Variants in WNK1 observed in about 807,000 individuals in gnomAD.
WNK1 encodes the protein WNK lysine deficient protein kinase 1, also known as serine/threonine-protein kinase WNK1.
A neutral mutation model predicts 222.8 loss-of-function variants in WNK1; 38 were observed. The observed-to-expected ratio is 0.17, with a 90% CI of 0.13 to 0.22. WNK1 has a LOEUF of 0.22. WNK1 is among the 10% of genes least tolerant of loss of function. The probability of loss-of-function intolerance (pLI) is 1.00; values close to 1 mark genes in which losing one functional copy is unlikely to be tolerated. For synonymous variants in WNK1, 1,090 were observed against 1,092.9 expected, an observed-to-expected ratio of 1.00 and a Z score of 0.05; for missense variants, 2,348 against 2,918.4, an observed-to-expected ratio of 0.80 and a Z score of 4.50.
chr12:896,668 A>G lies in WNK1; in HGVS notation c.6181A>G (p.Ser2061Gly), dbSNP rs753587522. Residue 2061 changes from serine (S) to glycine (G), a missense_variant, in exon 24 of 28, where the codon AGC (serine) becomes GGC (glycine). Physicochemically the swap from Ser to Gly is moderately conservative, Grantham distance 56 (BLOSUM62 0). Transcript: ENST00000315939. ...TTCATTTAACTCCTCTTACATGAGT[A>G]GCGACAATGAGTCAGATATCGAAGA... is the stretch of plus-strand genomic sequence containing the variant. Reference protein sequence around the residue: ...SNSFNSSYMSSDNESDIEDED... With the variant: ...SNSFNSSYMSGDNESDIEDED... The G allele has an allele frequency of 6.2e-7, 1 of 1,610,430 alleles. No individual in the cohort carries two copies. The highest frequency in any genetic ancestry group is 8.5e-7 in the Non-Finnish European group (1 of 1,179,276).
Position 857,024 on chromosome 12 carries a change from G to A in WNK1, c.1312-137G>A, listed in dbSNP as rs1044862294. 6.0e-6 allele frequency: 5 copies of A among 829,572 alleles called. No individual in the cohort carries two copies. The East Asian group carries it at 1.3e-4, about 22-fold the overall frequency. The allele number at this position is 829,572 out of a possible 1,614,324, so 51.4% of individuals were successfully genotyped here. A position where few individuals can be genotyped will look rare whatever the true frequency, so the allele number is the denominator to read the frequency against. On this transcript the variant is annotated intron_variant, in intron 4 of 27. Coordinates refer to ENST00000315939, the MANE Select transcript of WNK1 (RefSeq NM_018979.4). ...TCACTACCCAACTGTGACACTGCAT[G>A]GACCAACTCCTGCAGGCGAGTCAGA...
intron 1 of WNK1, among the ~76,000 whole-genome samples, chr12:771,376 A>G (rs1942475490): frequency 6.6e-6 from 1 of 152,128 alleles, no homozygotes; most frequent in Non-Finnish European, 1.5e-5. Context: ...TCATATCTTA[A>G]TGATACTGAG....
rs904789857 is a variant in WNK1, at chr12:806,781, C to T, written c.760-6861C>T. Among the ~76,000 whole-genome samples, 29 of 152,216 alleles carry T rather than the reference C, an allele frequency of 1.9e-4. 1 individual carries two copies. The highest frequency in any genetic ancestry group is 6.7e-4 in the African/African-American group (28 of 41,514). On this transcript the variant is annotated intron_variant, in intron 1 of 27. Coordinates refer to ENST00000315939, the MANE Select transcript of WNK1 (RefSeq NM_018979.4). ...TATTGAGTCTTTGCTCATAAAATGT[C>T]GTAGATATTTGGAAATCTAATTTGA...
Position 884,028 on chromosome 12 carries a change from A to C in WNK1, c.3722-93A>C. ...GGGTGAGAGAATGAGACCGTGCCTC[A>C]AAAAAAGCAGTTGTATGTGCCAATA... On this transcript the variant is annotated intron_variant, in intron 17 of 27. Coordinates refer to ENST00000315939, the MANE Select transcript of WNK1 (RefSeq NM_018979.4). The surrounding 1 kb of genome is among the most constrained non-coding windows in gnomAD (Gnocchi z 5.6). 6.3e-7 allele frequency: 1 copy of C among 1,576,254 alleles called. No homozygotes were observed. The highest frequency in any genetic ancestry group is 8.7e-7 in the Non-Finnish European group (1 of 1,152,184).
intron 1 of WNK1, among the ~76,000 whole-genome samples, chr12:768,342 G>T (rs1034810907): frequency 1.3e-5 from 2 of 152,006 alleles, no homozygotes; most frequent in African/African-American, 4.8e-5. Context: ...CATCATGTTG[G>T]CCAGGCTGGC....
chr12:781,592 A>C (rs930039332), intron 1 of WNK1, among the ~76,000 whole-genome samples: 22 of 152,312 alleles, frequency 1.4e-4, no homozygotes, highest in African/African-American at 5.3e-4. Context: ...ATTATAATTA[A>C]ATGATCTGTT....
rs760531298 is a variant in WNK1 at position 827,014 on chromosome 12, C to T, written c.933-28C>T. The T allele has an allele frequency of 6.3e-7, 1 of 1,577,022 alleles. No individual in the cohort carries two copies. Among genetic ancestry groups the T allele is most frequent in the Non-Finnish European group, 8.7e-7 (1 of 1,148,246 alleles). Reference sequence around the variant, plus strand: ...AGCAACAAACTCCTATCATTGATAACTTGTTTGGTATACTTTGCTTTTTCT... The same window carrying T: ...AGCAACAAACTCCTATCATTGATAATTTGTTTGGTATACTTTGCTTTTTCT... On this transcript the variant is annotated intron_variant, in intron 2 of 27. Coordinates refer to ENST00000315939, the MANE Select transcript of WNK1 (RefSeq NM_018979.4). The surrounding 1 kb of genome is among the most constrained non-coding windows in gnomAD (Gnocchi z 4.6).
intron 2 of WNK1, among the ~76,000 whole-genome samples, chr12:819,350 G>A (rs1256839715): frequency 2.6e-5 from 4 of 152,010 alleles, no homozygotes; most frequent in African/African-American, 7.2e-5. Context: ...TCTCTTATCC[G>A]AAATGCTTGG....
At chr12:816,334 A>G (rs913877039) in intron 2 of WNK1, among the ~76,000 whole-genome samples, 4 of 152,154 alleles carry the variant, frequency 2.6e-5, no homozygotes, top group Non-Finnish European at 4.4e-5. Context: ...CAGCAGCACA[A>G]TCATAGCTCA....
At chr12:779,410 CTTTTTTTTTTTT>C in intron 1 of WNK1, among the ~76,000 whole-genome samples, 1 of 106,034 alleles carries the variant, frequency 9.4e-6, no homozygotes, top group East Asian at 2.8e-4. Context: ...TTTTTTTTTT[CTTTTTTTTTTTT>C]GAGACATAGT....
intron 1 of WNK1, among the ~76,000 whole-genome samples, chr12:767,990 A>T (rs1247611828): frequency 6.6e-6 from 1 of 151,732 alleles, no homozygotes; most frequent in East Asian, 1.9e-4. Context: ...ACCTAGACAA[A>T]AAAAGCCACC....
At chr12:859,633 T>TGTGTGTGG (rs372754842) in intron 6 of WNK1, among the ~76,000 whole-genome samples, 169 bp downstream of exon 6, 1 of 62,670 alleles carries the variant, frequency 1.6e-5, no homozygotes, top group Non-Finnish European at 3.9e-5. Flanking sequence ...TGTGTGTGTG[T>TGTGTGTGG]TTTTTTTTTT....
intron 1 of WNK1, among the ~76,000 whole-genome samples, chr12:808,367 C>G (rs895588909): frequency 6.6e-6 from 1 of 152,008 alleles, no homozygotes; most frequent in Admixed American, 6.6e-5. Flanking sequence ...AGCAGTTCTT[C>G]TGCCCTAGCC....
At chr12:851,166 A>G (rs993887518) in intron 4 of WNK1, among the ~76,000 whole-genome samples, 1 of 152,198 alleles carries the variant, frequency 6.6e-6, no homozygotes, top group Non-Finnish European at 1.5e-5. Flanking sequence ...CAGCCCCAGT[A>G]TTGTGATTCC....
At chr12:808,925 G>A (rs1946647786) in intron 1 of WNK1, among the ~76,000 whole-genome samples, 3 of 151,786 alleles carry the variant, frequency 2.0e-5, no homozygotes, top group Admixed American at 6.6e-5. Flanking sequence ...CACCACGCCC[G>A]GCTAATTTTT....
chr12:898,493 AAAAAAAG>A (rs1565608603), intron 25 of WNK1, among the ~76,000 whole-genome samples: 1 of 151,708 alleles, frequency 6.6e-6, no homozygotes, highest in Non-Finnish European at 1.5e-5. Flanking sequence ...AAAAAAAAAA[AAAAAAAG>A]AAGAACTTGC....
intron 1 of WNK1, among the ~76,000 whole-genome samples, chr12:762,773 G>A (rs1410291973): frequency 1.4e-5 from 2 of 146,832 alleles, no homozygotes; most frequent in Non-Finnish European, 3.0e-5. Flanking sequence ...TTGAGACAGA[G>A]TTTCACTCTT....
chr12:879,429 G>T, intron 10 of WNK1, 144 bp from the exon 11 acceptor site: 1 of 677,438 alleles, frequency 1.5e-6, no homozygotes, highest in South Asian at 1.8e-5. Context: ...ATGTATGCAG[G>T]GTTTTGTTGG....
At chr12:778,302 T>C (rs1267302632) in intron 1 of WNK1, among the ~76,000 whole-genome samples, 1 of 152,056 alleles carries the variant, frequency 6.6e-6, no homozygotes, top group Non-Finnish European at 1.5e-5. Context: ...TTTTAAATTT[T>C]TTATTATTAA....
Sources: gnomAD v4.1 joint callset for allele counts (sites outside exome capture counted in the v4.1 genomes callset) on GRCh38, gnomAD v4.1.1 for gene constraint, Gnocchi (gnomAD v3.1) non-coding constraint, MANE v1.5 for transcripts, NCBI Gene and HGNC (gene_info 2026-07-23, HGNC 2026-07-21) for gene names.